The following GPC5 variants were observed in gnomAD, a reference collection of about 807,000 sequenced individuals.
GPC5 encodes the protein glypican-5.
GPC5 carries 47 observed loss-of-function variants against 53.9 expected under a neutral mutation model. The observed-to-expected ratio is 0.87, with a 90% CI of 0.69 to 1.11. The LOEUF (loss-of-function observed/expected upper bound fraction) is 1.11. Ranked by LOEUF, GPC5 falls within the 50% of genes most tolerant of loss-of-function variation. The probability of loss-of-function intolerance (pLI) is 0.00; values close to 1 mark genes in which losing one functional copy is unlikely to be tolerated. For missense variants in GPC5, 748 were observed against 713.1 expected, an observed-to-expected ratio of 1.05 and a Z score of -0.56; for synonymous variants, 286 against 263.3, an observed-to-expected ratio of 1.09 and a Z score of -0.84.
At chr13:92,655,739 T>C (rs1478021450) in intron 7 of GPC5, among the ~76,000 whole-genome samples, 1 of 152,186 alleles carries the variant, frequency 6.6e-6, no homozygotes, top group Admixed American at 6.5e-5. Context: ...ACAGACCAGA[T>C]GCTTCTATTA....
Position 92,601,554 on chromosome 13 carries a change from C to CAAA in GPC5, c.1562-264707_1562-264705dup, listed in dbSNP as rs57333686. Among the ~76,000 whole-genome samples the CAAA allele has an allele frequency of 8.0e-3, 539 of 67,260 alleles. 5 individuals are homozygous for CAAA. The highest frequency in any genetic ancestry group is 0.021 in the African/African-American group (491 of 23,306). 44.1% of individuals were successfully genotyped at this position (67,260 alleles called of 152,430 possible). A position where few individuals can be genotyped will look rare whatever the true frequency, so the allele number is the denominator to read the frequency against. On this transcript the variant is annotated intron_variant, in intron 7 of 7. Transcript: ENST00000377067. ...TGGGCAACAGAGCAAGACTCCATCT[C>CAAA]AAAAAAAAAAAAAAAAAAAAAAAGA... is the stretch of plus-strand genomic sequence containing the variant.
chr13:92,464,119 C>A (rs1878598402), intron 7 of GPC5, among the ~76,000 whole-genome samples: 2 of 152,126 alleles, frequency 1.3e-5, no homozygotes, highest in Non-Finnish European at 2.9e-5. Context: ...TTAAATAACT[C>A]AATCAAAGTT....
At chr13:91,638,209 G>A (rs566656904) in intron 2 of GPC5, among the ~76,000 whole-genome samples, 4 of 152,212 alleles carry the variant, frequency 2.6e-5, no homozygotes, top group East Asian at 1.9e-4. Flanking sequence ...CTGGTATTTC[G>A]TATATCAAAC....
intron 7 of GPC5, among the ~76,000 whole-genome samples, chr13:92,700,847 T>C (rs1887712411): frequency 6.6e-6 from 1 of 151,994 alleles, no homozygotes; most frequent in South Asian, 2.1e-4. Context: ...AAAGGGAAAA[T>C]AGTTTAGCTG....
chr13:92,349,272 T>A (rs984895082), intron 7 of GPC5, among the ~76,000 whole-genome samples: 3 of 152,076 alleles, frequency 2.0e-5, no homozygotes, highest in South Asian at 2.1e-4. Context: ...GCCTCCCAAG[T>A]AGCTGGGATC....
intron 2 of GPC5, among the ~76,000 whole-genome samples, chr13:91,498,287 TTAAA>T (rs1884408746): frequency 6.7e-6 from 1 of 149,710 alleles, no homozygotes; most frequent in Non-Finnish European, 1.5e-5. Flanking sequence ...TATCACATTC[TTAAA>T]TAAAGTTTTA....
chr13:92,277,349 G>A (rs182313086), intron 7 of GPC5, among the ~76,000 whole-genome samples: 18 of 152,002 alleles, frequency 1.2e-4, no homozygotes, highest in African/African-American at 3.9e-4. Flanking sequence ...TTCGTTTTAT[G>A]TACATTCTAA....
chr13:92,263,600 A>T (rs769460202), intron 7 of GPC5, among the ~76,000 whole-genome samples: 37 of 152,114 alleles, frequency 2.4e-4, no homozygotes, highest in Non-Finnish European at 4.0e-4. Context: ...GAAGGTAGGG[A>T]ACTGAGCTTC....
At chr13:91,966,520 A>G (rs74106238) in intron 6 of GPC5, among the ~76,000 whole-genome samples, 3,818 of 152,288 alleles carry the variant, frequency 0.025, 155 homozygotes, top group African/African-American at 0.087. Context: ...AGACAGGTGT[A>G]TGTATTCAGT....
chr13:92,494,061 TTTG>T (rs1308099273), intron 7 of GPC5, among the ~76,000 whole-genome samples: 11 of 13,110 alleles, frequency 8.4e-4, no homozygotes, highest in Admixed American at 6.5e-3. Context: ...TGTGTTTTTT[TTTG>T]TTTGTTTGTT....
chr13:92,381,001 C>T (rs1474575297), intron 7 of GPC5, among the ~76,000 whole-genome samples: 1 of 151,998 alleles, frequency 6.6e-6, no homozygotes, highest in East Asian at 1.9e-4. Context: ...CACATGAAAA[C>T]CTCCTTTTGA....
At chr13:91,615,586 T>C (rs899420609) in intron 2 of GPC5, among the ~76,000 whole-genome samples, 2 of 152,118 alleles carry the variant, frequency 1.3e-5, no homozygotes, top group Admixed American at 1.3e-4. Flanking sequence ...TACAGGCAGG[T>C]GAATTGACAG....
chr13:91,559,900 C>G (rs962044983), intron 2 of GPC5, among the ~76,000 whole-genome samples: 2 of 152,008 alleles, frequency 1.3e-5, no homozygotes, highest in Admixed American at 6.6e-5. Context: ...AGTTTACATA[C>G]AAAAATAATG....
chr13:92,591,991 G>C (rs1281550183), intron 7 of GPC5, among the ~76,000 whole-genome samples: 1 of 152,202 alleles, frequency 6.6e-6, no homozygotes, highest in African/African-American at 2.4e-5. Context: ...CCCTGAAGTG[G>C]CTGGCAGTAT....
At chr13:92,151,542 G>A (rs2138993192) in intron 7 of GPC5, among the ~76,000 whole-genome samples, 1 of 152,214 alleles carries the variant, frequency 6.6e-6, no homozygotes, top group Non-Finnish European at 1.5e-5. Flanking sequence ...GCCAGTAATG[G>A]TGGCTGATTC....
intron 7 of GPC5, among the ~76,000 whole-genome samples, chr13:92,164,712 G>A (rs1254901774): frequency 6.6e-6 from 1 of 152,144 alleles, no homozygotes; most frequent in Non-Finnish European, 1.5e-5. Context: ...TAGTGCCCCA[G>A]TGGGGATTTT....
At chr13:92,335,243 G>A (rs1025347367) in intron 7 of GPC5, among the ~76,000 whole-genome samples, 5 of 152,066 alleles carry the variant, frequency 3.3e-5, no homozygotes, top group African/African-American at 7.2e-5. Flanking sequence ...GTATACCTGC[G>A]AGACCCACAC....
At chr13:92,350,838 A>G (rs1015919100) in intron 7 of GPC5, among the ~76,000 whole-genome samples, 3 of 152,178 alleles carry the variant, frequency 2.0e-5, no homozygotes, top group Non-Finnish European at 2.9e-5. Flanking sequence ...TAAAAGACCA[A>G]GACAATTCAA....
chr13:92,280,517 T>C (rs1465258227), intron 7 of GPC5, among the ~76,000 whole-genome samples: 1 of 152,226 alleles, frequency 6.6e-6, no homozygotes, highest in Non-Finnish European at 1.5e-5. Context: ...AGCACTACTT[T>C]TGCTATATCC....
Sources: gnomAD v4.1 joint callset for allele counts (sites outside exome capture counted in the v4.1 genomes callset) on GRCh38, gnomAD v4.1.1 for gene constraint, MANE v1.5 for transcripts, NCBI Gene and HGNC (gene_info 2026-07-23, HGNC 2026-07-21) for gene names.